TBC1D4: variants seen among roughly 807,000 people sequenced by gnomAD.
The protein encoded by TBC1D4 is TBC1 domain family member 4.
Under a neutral mutation model 142.5 loss-of-function variants are expected in TBC1D4, and 121 were observed. That is an observed-to-expected ratio of 0.85 (90% CI 0.73 to 0.99). The LOEUF (loss-of-function observed/expected upper bound fraction) is 0.99. Ranked by LOEUF, TBC1D4 falls within the 50% of genes least tolerant of loss-of-function variation. The pLI, the probability that TBC1D4 is intolerant of heterozygous loss-of-function variation, is 0.00. For synonymous variants in TBC1D4, 630 were observed against 628.2 expected, an observed-to-expected ratio of 1.00 and a Z score of -0.04; for missense variants, 1,475 against 1,606.6, an observed-to-expected ratio of 0.92 and a Z score of 1.40.
chr13:75,343,570 T>A (rs775518404), intron 5 of TBC1D4, among the ~76,000 whole-genome samples: 2 of 151,980 alleles, frequency 1.3e-5, no homozygotes, highest in Non-Finnish European at 2.9e-5. Flanking sequence ...CGGGCTGGAG[T>A]GCAATGGCGC....
At position 75,318,629 on chromosome 13, in the gene TBC1D4, T is replaced by C. The variant is rs531216422; in HGVS notation, c.2222+1385A>G. 3.5e-4 allele frequency among the ~76,000 whole-genome samples: 54 copies of C among 152,336 alleles called. No individual in the cohort carries two copies. The Middle Eastern group carries it at 0.01, about 29-fold the overall frequency. ...CAGGTGCACTAACAGTTTATATAGG[T>C]TCTGGCTTTTAACTGCATACATGTC... On this transcript the variant is annotated intron_variant, in intron 12 of 20. Coordinates refer to ENST00000377636, the MANE Select transcript of TBC1D4 (RefSeq NM_014832.5).
intron 13 of TBC1D4, among the ~76,000 whole-genome samples, chr13:75,310,835 A>G (rs565547710): frequency 6.6e-6 from 1 of 152,058 alleles, no homozygotes; most frequent in Non-Finnish European, 1.5e-5. Flanking sequence ...CCGGTGTCTA[A>G]TGTTCCCTTC....
At chr13:75,302,527 C>T (rs1876685236) in intron 15 of TBC1D4, 126 bp from the exon 16 acceptor site, 2 of 1,066,986 alleles carry the variant, frequency 1.9e-6, no homozygotes, top group Non-Finnish European at 2.8e-6. Flanking sequence ...CCTAAGACCA[C>T]ACAATATAAT....
chr13:75,323,584 T>C (rs549213816), intron 11 of TBC1D4, among the ~76,000 whole-genome samples: 1 of 152,298 alleles, frequency 6.6e-6, no homozygotes, highest in Non-Finnish European at 1.5e-5. Context: ...CTATACATTT[T>C]CCATACTGGG....
At chr13:75,460,243 T>A (rs1158747748) in intron 1 of TBC1D4, among the ~76,000 whole-genome samples, 2 of 152,216 alleles carry the variant, frequency 1.3e-5, no homozygotes, top group East Asian at 3.8e-4. Context: ...TCAGTGAGTT[T>A]ACAAACTAGT....
rs180916056 is a variant in TBC1D4, at chr13:75,287,543, C to T, written c.3664-518G>A. On this transcript the variant is annotated intron_variant, in intron 20 of 20. Transcript: ENST00000377636. ...CGAATCATTATAAAACAGGTACAAA[C>T]CCACCTTCCCTAATAAGGGGCAAAT... is the stretch of plus-strand genomic sequence containing the variant. 3.9e-5 allele frequency among the ~76,000 whole-genome samples: 6 copies of T among 152,296 alleles called. No individual in the cohort carries two copies. The East Asian group carries it at 1.2e-3, about 29-fold the overall frequency.
In TBC1D4 at chr13:75,284,025, A is replaced by G. The variant is rs1347418165; in HGVS notation, c.*2767T>C. ...GGTTCAAACTATTCTCCAGCCTCCT[A>G]TAAGTAGCAATATATGCCTCTCCTA... On this transcript the variant is annotated 3_prime_UTR_variant, in exon 21 of 21. Coordinates refer to ENST00000377636, the MANE Select transcript of TBC1D4 (RefSeq NM_014832.5). 2.0e-5 allele frequency among the ~76,000 whole-genome samples: 3 copies of G among 152,006 alleles called. No homozygotes were observed.
At chr13:75,374,433 T>C (rs1259274444) in intron 1 of TBC1D4, among the ~76,000 whole-genome samples, 1 of 152,158 alleles carries the variant, frequency 6.6e-6, no homozygotes, top group African/African-American at 2.4e-5. Context: ...AGAGAAGCGC[T>C]CACCTTAGAA....
At chr13:75,393,114 AATAC>A (rs1245934185) in intron 1 of TBC1D4, among the ~76,000 whole-genome samples, 1 of 94,050 alleles carries the variant, frequency 1.1e-5, no homozygotes, top group East Asian at 3.4e-4. Context: ...TTTAAATTAA[AATAC>A]ACACACACAC....
intron 1 of TBC1D4, among the ~76,000 whole-genome samples, chr13:75,437,002 TG>T (rs1886827497): frequency 6.6e-6 from 1 of 152,140 alleles, no homozygotes; most frequent in Non-Finnish European, 1.5e-5. Context: ...AAACCCAAAC[TG>T]AGAAATATCC....
chr13:75,452,416 A>G (rs1593901831), intron 1 of TBC1D4, among the ~76,000 whole-genome samples: 1 of 152,206 alleles, frequency 6.6e-6, no homozygotes, highest in East Asian at 1.9e-4. Context: ...TAAAACTGTG[A>G]GCCTATCTTT....
At chr13:75,352,129 C>T (rs2138128108) in intron 4 of TBC1D4, among the ~76,000 whole-genome samples, 1 of 152,266 alleles carries the variant, frequency 6.6e-6, no homozygotes, top group East Asian at 1.9e-4. Context: ...TGCAACTTTT[C>T]CTCATGATTT....
intron 4 of TBC1D4, among the ~76,000 whole-genome samples, chr13:75,351,563 TC>T (rs547691503): frequency 1.4e-5 from 2 of 147,542 alleles, no homozygotes; most frequent in East Asian, 2.0e-4. Flanking sequence ...AGGCTATCCT[TC>T]CCCCCTCCCC....
At chr13:75,402,026 C>T (rs181166165) in intron 1 of TBC1D4, among the ~76,000 whole-genome samples, 8 of 152,210 alleles carry the variant, frequency 5.3e-5, no homozygotes, top group African/African-American at 1.9e-4. Context: ...TGAGCCCTTC[C>T]TCCTGCATCT....
chr13:75,461,600 C>T (rs1943927168), intron 1 of TBC1D4, among the ~76,000 whole-genome samples: 1 of 152,200 alleles, frequency 6.6e-6, no homozygotes, highest in Non-Finnish European at 1.5e-5. Context: ...CTGTAAATGT[C>T]ATATTATTTA....
Position 75,294,923 on chromosome 13 carries a change from A to G in TBC1D4, c.3247T>C (p.Tyr1083His). 6.2e-7 allele frequency: 1 copy of G among 1,614,014 alleles called. No homozygotes were observed. The highest frequency in any genetic ancestry group is 1.3e-5 in the African/African-American group (1 of 75,040). The change falls in exon 18 of 21, where the codon TAT (tyrosine) becomes CAT (histidine). Residue 1083 changes from tyrosine (Y) to histidine (H), a missense_variant. By Grantham distance (83) the Tyr-to-His change is moderately conservative. Coordinates refer to ENST00000377636, the MANE Select transcript of TBC1D4 (RefSeq NM_014832.5). ...AATGTGAGGAACCAGGGGGCAGCAT[A>G]AAGACTGGGGCTGATTTCATTTTCT... is the stretch of plus-strand genomic sequence containing the variant. ...LEENEISPSL[Y>H]AAPWFLTLFA...
intron 1 of TBC1D4, among the ~76,000 whole-genome samples, chr13:75,396,381 C>T (rs528551488): frequency 6.6e-6 from 1 of 152,242 alleles, no homozygotes; most frequent in South Asian, 2.1e-4. Context: ...ATCTTGTTGA[C>T]TATGTTTTTA....
chr13:75,353,498 T>C (rs1240480174), intron 4 of TBC1D4, among the ~76,000 whole-genome samples: 2 of 152,104 alleles, frequency 1.3e-5, no homozygotes, highest in Non-Finnish European at 2.9e-5. Context: ...AAACTCACAA[T>C]CTAGTAGAGT....
intron 12 of TBC1D4, among the ~76,000 whole-genome samples, chr13:75,316,271 A>G (rs1878310443): frequency 6.6e-6 from 1 of 152,196 alleles, no homozygotes; most frequent in Non-Finnish European, 1.5e-5. Flanking sequence ...TGGGGGCAAT[A>G]TGTTATAAAA....
Sources: gnomAD v4.1 joint callset for allele counts (sites outside exome capture counted in the v4.1 genomes callset) on GRCh38, gnomAD v4.1.1 for gene constraint, MANE v1.5 for transcripts, NCBI Gene and HGNC (gene_info 2026-07-23, HGNC 2026-07-21) for gene names.